NTRK2: variants seen among roughly 807,000 people sequenced by gnomAD.
NTRK2 encodes the protein neurotrophic receptor tyrosine kinase 2.
NTRK2 carries 13 observed loss-of-function variants against 94.5 expected under a neutral mutation model. That is an observed-to-expected ratio of 0.14 (90% CI 0.09 to 0.22). The LOEUF (loss-of-function observed/expected upper bound fraction) is 0.22, where lower values mean the gene tolerates loss of function less well. NTRK2 is among the 10% of genes least tolerant of loss of function. The probability of loss-of-function intolerance (pLI) is 1.00; values close to 1 mark genes in which losing one functional copy is unlikely to be tolerated. For synonymous variants in NTRK2, 372 were observed against 407.4 expected, an observed-to-expected ratio of 0.91 and a Z score of 1.05; for missense variants, 639 against 1,071.2, an observed-to-expected ratio of 0.60 and a Z score of 5.63.
intron 12 of NTRK2, among the ~76,000 whole-genome samples, chr9:84,782,652 C>T (rs1318847729): frequency 6.6e-6 from 1 of 152,204 alleles, no homozygotes; most frequent in Non-Finnish European, 1.5e-5. Context: ...GTCCATTAAG[C>T]CGTGGATATG....
chr9:84,865,208 A>G (rs563223175), intron 13 of NTRK2, among the ~76,000 whole-genome samples: 1 of 152,266 alleles, frequency 6.6e-6, no homozygotes, highest in African/African-American at 2.4e-5. Flanking sequence ...CACAAGACGA[A>G]CACAACTGAT....
intron 12 of NTRK2, among the ~76,000 whole-genome samples, chr9:84,789,627 C>A (rs1156623496): frequency 3.3e-5 from 5 of 152,154 alleles, no homozygotes; most frequent in African/African-American, 4.8e-5. Context: ...GAGTAAATAG[C>A]AGACCTAAAT....
chr9:84,750,820 C>A (rs1203036732), intron 11 of NTRK2, among the ~76,000 whole-genome samples: 1 of 152,136 alleles, frequency 6.6e-6, no homozygotes, highest in Non-Finnish European at 1.5e-5. Flanking sequence ...CACATAGTGC[C>A]GCTGACAACT....
intron 8 of NTRK2, among the ~76,000 whole-genome samples, chr9:84,727,172 G>C (rs2062524335): frequency 6.6e-6 from 1 of 152,176 alleles, no homozygotes; most frequent in Admixed American, 6.5e-5. Context: ...TGTTTTCGAA[G>C]TTATGTGAGA....
At chr9:84,951,393 G>A (rs570628198) in intron 16 of NTRK2, among the ~76,000 whole-genome samples, 1 of 152,306 alleles carries the variant, frequency 6.6e-6, no homozygotes, top group South Asian at 2.1e-4. Flanking sequence ...CTGCTTCTAA[G>A]AGAAATATTT....
At chr9:84,957,298 A>T (rs1216525715) in intron 17 of NTRK2, among the ~76,000 whole-genome samples, 1 of 152,264 alleles carries the variant, frequency 6.6e-6, no homozygotes, top group East Asian at 1.9e-4. Flanking sequence ...CCAAATCAAT[A>T]GACATACACT....
intron 13 of NTRK2, among the ~76,000 whole-genome samples, chr9:84,861,988 C>G (rs554892645): frequency 1.3e-5 from 2 of 152,154 alleles, no homozygotes; most frequent in Non-Finnish European, 2.9e-5. Flanking sequence ...TCCATCCTGA[C>G]GTCAGACCTT....
intron 12 of NTRK2, among the ~76,000 whole-genome samples, chr9:84,754,830 G>T (rs958305342): frequency 1.3e-5 from 2 of 152,176 alleles, no homozygotes; most frequent in Admixed American, 6.5e-5. Flanking sequence ...AAGGTGGCCA[G>T]CTCACCCATA....
At chr9:84,875,860 T>TGATCAAAATAA (rs2076044785) in intron 14 of NTRK2, 1 of 1,041,690 alleles carries the variant, frequency 9.6e-7, no homozygotes, top group Non-Finnish European at 1.2e-6. Flanking sequence ...AATAATATGT[T>TGATCAAAATAA]AGTGTTGATA....
chr9:84,897,444 C>T (rs1162496860), intron 14 of NTRK2, among the ~76,000 whole-genome samples: 1 of 152,184 alleles, frequency 6.6e-6, no homozygotes, highest in Admixed American at 6.5e-5. Context: ...CTTGAGCCCC[C>T]GTTCTTAATC....
intron 13 of NTRK2, among the ~76,000 whole-genome samples, chr9:84,864,587 G>A (rs2075489936): frequency 6.6e-6 from 1 of 152,170 alleles, no homozygotes; most frequent in Admixed American, 6.5e-5. Flanking sequence ...TGCAGCCTTG[G>A]CTGCAGTCCT....
intron 14 of NTRK2, chr9:84,874,088 C>G (rs199942834): frequency 6.5e-4 from 690 of 1,064,510 alleles, no homozygotes; most frequent in Admixed American, 8.0e-4. Flanking sequence ...AAGGCCCAGC[C>G]TGACTGGAGT....
chr9:85,011,474 T>C (rs1281458678), intron 17 of NTRK2, among the ~76,000 whole-genome samples: 1 of 152,092 alleles, frequency 6.6e-6, no homozygotes, highest in East Asian at 1.9e-4. Context: ...TTGAATGAGG[T>C]CATAAGAGTG....
At chr9:85,008,056 T>G (rs1831158276) in intron 17 of NTRK2, among the ~76,000 whole-genome samples, 1 of 152,094 alleles carries the variant, frequency 6.6e-6, no homozygotes, top group South Asian at 2.1e-4. Context: ...TGCTACCTTC[T>G]ATGAGCTAGT....
At chr9:84,905,446 A>G (rs1587886645) in intron 14 of NTRK2, among the ~76,000 whole-genome samples, 1 of 152,184 alleles carries the variant, frequency 6.6e-6, no homozygotes, top group East Asian at 1.9e-4. Context: ...AGGAGATGAG[A>G]CAGGGTAAAA....
intron 15 of NTRK2, among the ~76,000 whole-genome samples, chr9:84,947,194 G>A (rs1265834616): frequency 6.6e-6 from 1 of 152,126 alleles, no homozygotes; most frequent in Non-Finnish European, 1.5e-5. Flanking sequence ...GACCTTGGGT[G>A]ATCTGCCCGC....
chr9:84,714,169 T>C (rs1426139114), intron 6 of NTRK2, among the ~76,000 whole-genome samples: 1 of 151,862 alleles, frequency 6.6e-6, no homozygotes, highest in Admixed American at 6.6e-5. Flanking sequence ...AGCTGCTGAT[T>C]TTTTTTCCTT....
intron 17 of NTRK2, among the ~76,000 whole-genome samples, chr9:84,994,493 G>A (rs965619850): frequency 2.0e-5 from 3 of 152,190 alleles, no homozygotes; most frequent in African/African-American, 7.2e-5. Context: ...TTGGAGGCAG[G>A]TTCCCCAGGC....
At chr9:84,812,528 G>C in intron 12 of NTRK2, 1 of 1,046,810 alleles carries the variant, frequency 9.6e-7, no homozygotes, top group East Asian at 5.6e-5. Context: ...CTTAGATTCC[G>C]ATCTTTCCCA....
Sources: gnomAD v4.1 joint callset for allele counts (sites outside exome capture counted in the v4.1 genomes callset) on GRCh38, gnomAD v4.1.1 for gene constraint, MANE v1.5 for transcripts, NCBI Gene and HGNC (gene_info 2026-07-23, HGNC 2026-07-21) for gene names.